ATP10B: variants seen among roughly 807,000 people sequenced by gnomAD.
ATP10B encodes phospholipid-transporting ATPase VB.
In ATP10B, 122 loss-of-function variants were observed where a neutral mutation model predicts 141.2. The ratio of observed to expected loss-of-function variants is 0.86; its 90% CI spans 0.75 to 1.00. ATP10B has a LOEUF of 1.00. Among genes scored for constraint, ATP10B ranks in the 50% least tolerant of loss-of-function variants. ATP10B has a pLI of 0.00. For synonymous variants in ATP10B, 685 were observed against 692.0 expected, an observed-to-expected ratio of 0.99 and a Z score of 0.16; for missense variants, 1,876 against 1,825.3, an observed-to-expected ratio of 1.03 and a Z score of -0.51.
chr5:160,673,348 C>T (rs1428033414), intron 6 of ATP10B, among the ~76,000 whole-genome samples: 1 of 152,092 alleles, frequency 6.6e-6, no homozygotes, highest in African/African-American at 2.4e-5. Flanking sequence ...TTCGTACAGG[C>T]ATGCAATGTG....
chr5:160,847,465 C>T (rs1776197765), intron 1 of ATP10B, among the ~76,000 whole-genome samples: 1 of 152,126 alleles, frequency 6.6e-6, no homozygotes, highest in Non-Finnish European at 1.5e-5. Context: ...TCCCAAAGAA[C>T]CCCCAAACCT....
the ATP10B span, among the ~76,000 whole-genome samples, chr5:160,893,169 A>T: frequency 6.7e-6 from 1 of 150,298 alleles, no homozygotes; most frequent in Admixed American, 6.6e-5. Context: ...TTCATACCCA[A>T]GTGGCACCTG....
intron 2 of ATP10B, among the ~76,000 whole-genome samples, chr5:160,769,835 G>C (rs1039511292): frequency 3.3e-5 from 5 of 152,170 alleles, no homozygotes; most frequent in African/African-American, 9.7e-5. Flanking sequence ...ATCCCAGCTT[G>C]ATTTATTCAG....
At chr5:160,763,581 A>G (rs1027761680) in intron 2 of ATP10B, among the ~76,000 whole-genome samples, 6 of 152,312 alleles carry the variant, frequency 3.9e-5, no homozygotes, top group African/African-American at 1.4e-4. Context: ...AGGAAAGTTC[A>G]TAACATTAAA....
At chr5:160,686,053 G>A (rs745878260) in intron 6 of ATP10B, 26 bp downstream of exon 6, 3 of 1,509,854 alleles carry the variant, frequency 2.0e-6, no homozygotes, top group South Asian at 2.7e-5. Flanking sequence ...ATTTGCAAGA[G>A]AGAACACAGG....
Position 160,843,507 on chromosome 5 carries a change from C to CA in ATP10B, c.-576+8433dup, listed in dbSNP as rs34514367. On this transcript the variant is annotated intron_variant, in intron 1 of 25. Transcript: ENST00000327245. ...TAAGTTACTACCAACAGAGCATTGA[C>CA]AAAAAAAAAAAGCTGTTAATGAGTG... is the stretch of plus-strand genomic sequence containing the variant. 7.4e-3 allele frequency among the ~76,000 whole-genome samples: 1,028 copies of CA among 138,558 alleles called. 7 individuals are homozygous for CA. The highest frequency in any genetic ancestry group is 0.011 in the Non-Finnish European group (671 of 63,142). The allele number at this position is 138,558 out of a possible 152,430, so 90.9% of individuals were successfully genotyped here. A position where few individuals can be genotyped will look rare whatever the true frequency, so the allele number is the denominator to read the frequency against.
the ATP10B span, among the ~76,000 whole-genome samples, chr5:160,893,506 C>T: frequency 7.2e-5 from 11 of 152,318 alleles, no homozygotes; most frequent in Non-Finnish European, 1.5e-4. Context: ...GATTCCTCCT[C>T]TCTGGGCAGG....
chr5:160,724,041 G>A (rs1766159706), intron 2 of ATP10B, among the ~76,000 whole-genome samples: 1 of 152,056 alleles, frequency 6.6e-6, no homozygotes, highest in African/African-American at 2.4e-5. Flanking sequence ...CCAAATCACT[G>A]CATGTTCTCA....
At chr5:160,593,323 T>C (rs1410944626) in intron 22 of ATP10B, among the ~76,000 whole-genome samples, 1 of 152,224 alleles carries the variant, frequency 6.6e-6, no homozygotes, top group Non-Finnish European at 1.5e-5. Flanking sequence ...GGATTGGACC[T>C]CTAGCAAACT....
At chr5:160,763,249 G>T (rs1208511974) in intron 2 of ATP10B, among the ~76,000 whole-genome samples, 1 of 152,068 alleles carries the variant, frequency 6.6e-6, no homozygotes, top group Non-Finnish European at 1.5e-5. Context: ...CCCAGCAACT[G>T]CAGAATATAC....
chr5:160,661,647 T>C (rs183207949), intron 7 of ATP10B, among the ~76,000 whole-genome samples: 13 of 152,312 alleles, frequency 8.5e-5, no homozygotes, highest in Non-Finnish European at 1.3e-4. Context: ...GTTTTGTATA[T>C]ACTAATAATA....
intron 6 of ATP10B, among the ~76,000 whole-genome samples, chr5:160,674,175 C>A (rs1240456279): frequency 2.6e-5 from 4 of 152,158 alleles, no homozygotes; most frequent in African/African-American, 9.7e-5. Context: ...CCTCCCAGAG[C>A]AAACTGGTTT....
the ATP10B span, among the ~76,000 whole-genome samples, chr5:160,919,956 G>A: frequency 6.6e-6 from 1 of 152,192 alleles, no homozygotes; most frequent in African/African-American, 2.4e-5. Flanking sequence ...TTTGGTAAGA[G>A]ACAGCAGAGT....
intron 7 of ATP10B, among the ~76,000 whole-genome samples, chr5:160,663,548 C>T (rs567869732): frequency 7.1e-4 from 108 of 152,154 alleles, no homozygotes; most frequent in African/African-American, 2.5e-3. Flanking sequence ...GACAAAAAAC[C>T]AAACACCGCA....
At position 160,846,584 on chromosome 5, in the gene ATP10B, ATAT is replaced by A. The variant is rs537159618; in HGVS notation, c.-576+5354_-576+5356del. On this transcript the variant is annotated intron_variant, in intron 1 of 25. Coordinates refer to ENST00000327245, the MANE Select transcript of ATP10B (RefSeq NM_025153.3). The stretch of plus-strand genomic sequence containing the variant: ...TGAGTGAGGGTTTGGGATAAAATCA[ATAT>A]TATGATTGCTGCTATTAGCAGTAGT... Among the ~76,000 whole-genome samples, 380 of 152,292 alleles carry A rather than the reference ATAT, an allele frequency of 2.5e-3. 1 individual carries two copies. Among genetic ancestry groups the A allele is most frequent in the African/African-American group, 8.4e-3 (350 of 41,570 alleles).
Position 160,644,226 on chromosome 5 carries a change from G to T in ATP10B, c.780C>A (p.Thr260=), listed in dbSNP as rs760308211. Residue 260 remains threonine (T), a synonymous_variant, in exon 9 of 26, where the codon ACC becomes ACA. Transcript: ENST00000327245. The part of the protein sequence containing the change: ...FKGYMEHPDQ[T]RTGFGCESLL... ...GACTCTCACAGCCAAAGCCAGTCCT[G>T]GTCTGGTCAGGATGCTCCCTGGGGA... The T allele has an allele frequency of 2.5e-6, 4 of 1,613,762 alleles. No homozygotes were observed. The highest frequency in any genetic ancestry group is 1.1e-5 in the South Asian group (1 of 91,050).
chr5:160,912,161 G>A, the ATP10B span, among the ~76,000 whole-genome samples: 1 of 152,062 alleles, frequency 6.6e-6, no homozygotes, highest in Non-Finnish European at 1.5e-5. Flanking sequence ...ATTACACTTG[G>A]GTTCTCATGA....
At chr5:160,730,470 C>T (rs1258507108) in intron 2 of ATP10B, among the ~76,000 whole-genome samples, 1 of 152,048 alleles carries the variant, frequency 6.6e-6, no homozygotes, top group Non-Finnish European at 1.5e-5. Context: ...CCGACCCCAC[C>T]TGATGGGAGT....
chr5:160,819,002 G>T (rs1773900451), intron 1 of ATP10B, among the ~76,000 whole-genome samples: 2 of 152,122 alleles, frequency 1.3e-5, no homozygotes, highest in Non-Finnish European at 2.9e-5. Flanking sequence ...CCTGTTGCTG[G>T]GGGGTGGGAG....
Sources: allele counts gnomAD v4.1 joint callset (sites outside exome capture counted in the v4.1 genomes callset), GRCh38; gene constraint gnomAD v4.1.1; transcripts MANE v1.5; gene names NCBI Gene and HGNC (gene_info 2026-07-23, HGNC 2026-07-21).